The following PLEKHG3 variants were observed in gnomAD, a reference collection of about 807,000 sequenced individuals.
PLEKHG3 encodes pleckstrin homology domain-containing family G member 3.
Under a neutral mutation model 94.9 loss-of-function variants are expected in PLEKHG3, and 62 were observed. That is an observed-to-expected ratio of 0.65 (90% CI 0.53 to 0.81). PLEKHG3 has a LOEUF of 0.81. PLEKHG3 is among the 30% of genes least tolerant of loss of function. The pLI, the probability that PLEKHG3 is intolerant of heterozygous loss-of-function variation, is 0.00. For synonymous variants in PLEKHG3, 614 were observed against 654.0 expected, an observed-to-expected ratio of 0.94 and a Z score of 0.93; for missense variants, 1,461 against 1,619.3, an observed-to-expected ratio of 0.90 and a Z score of 1.68.
At position 64,725,147 on chromosome 14, in the gene PLEKHG3, C is replaced by A. The variant is rs543797684; in HGVS notation, c.-39-2446C>A. Among the ~76,000 whole-genome samples, 4 of 152,278 alleles carry A rather than the reference C, an allele frequency of 2.6e-5. No homozygotes were observed. The highest frequency in any genetic ancestry group is 2.0e-4 in the Admixed American group (3 of 15,302). On this transcript the variant is annotated intron_variant, in intron 1 of 16. Transcript: ENST00000247226. The surrounding 1 kb of genome is among the most constrained non-coding windows in gnomAD (Gnocchi z 5.0). ...TTACAGTGGGATCCCCAGAGAGGGA[C>A]CCTCAAAAGGTCCCTTTTAGAGACA...
chr14:64,708,827 C>G (rs751775403), intron 1 of PLEKHG3, among the ~76,000 whole-genome samples: 1 of 151,340 alleles, frequency 6.6e-6, no homozygotes, highest in East Asian at 1.9e-4. Flanking sequence ...GCCCCACCCC[C>G]CAAGTATGTC....
chr14:64,706,771 C>T (rs1050611267), intron 1 of PLEKHG3, among the ~76,000 whole-genome samples: 5 of 152,230 alleles, frequency 3.3e-5, no homozygotes, highest in Non-Finnish European at 4.4e-5. Flanking sequence ...CCACGGCCTG[C>T]GGGATGACCA....
Position 64,730,777 on chromosome 14 carries a change from C to T in PLEKHG3, c.567-22C>T. 1.2e-6 allele frequency: 2 copies of T among 1,612,284 alleles called. No homozygotes were observed. Among genetic ancestry groups the T allele is most frequent in the Non-Finnish European group, 1.7e-6 (2 of 1,178,648 alleles). The stretch of plus-strand genomic sequence containing the variant: ...CATCCAGGCCTTCCCCAGGTGGTGA[C>T]TGGCCCTTCTCCCACTCCCAGCTCC... On this transcript the variant is annotated intron_variant, in intron 5 of 16. Transcript: ENST00000247226. This position sits in a 1 kb window ranked among gnomAD's most constrained non-coding sequence, Gnocchi z 5.4.
At position 64,747,097 on chromosome 14, in the gene PLEKHG3, G is replaced by C. The variant is rs1185922195; in HGVS notation, c.*3394G>C. The stretch of plus-strand genomic sequence containing the variant: ...CCCTGGACCAGGCCAGGGGACCTGG[G>C]GTGGTGAGATGCTAGCTCTTCCACT... On this transcript the variant is annotated 3_prime_UTR_variant, in exon 17 of 17. Coordinates refer to ENST00000247226, the MANE Select transcript of PLEKHG3 (RefSeq NM_001308147.2). The C allele has an allele frequency of 1.3e-5, 2 of 152,586 alleles. No individual in the cohort carries two copies. The highest frequency in any genetic ancestry group is 4.8e-5 in the African/African-American group (2 of 41,444). 9.5% of individuals were successfully genotyped at this position (152,586 alleles called of 1,614,324 possible).
rs780809002 is a variant in PLEKHG3, at chr14:64,741,388, G to T, written c.1871G>T (p.Ser624Ile). 1.2e-6 allele frequency: 2 copies of T among 1,613,354 alleles called. No homozygotes were observed. The highest frequency in any genetic ancestry group is 3.3e-4 in the Middle Eastern group (2 of 6,062). ...SRRSSVAQED[S>I]KSSGFGSPRL... Reference sequence around the variant, plus strand: ...CGGAGCAGCGTGGCACAGGAGGACAGCAAGTCCAGTGGCTTTGGGAGCCCG... The same window carrying T: ...CGGAGCAGCGTGGCACAGGAGGACATCAAGTCCAGTGGCTTTGGGAGCCCG... The change falls in exon 16 of 17, where the codon AGC (serine) becomes ATC (isoleucine). Residue 624 changes from serine (S) to isoleucine (I), a missense_variant. Ser to Ile is a moderately radical substitution (Grantham distance 142, BLOSUM62 -2). Coordinates refer to ENST00000247226, the MANE Select transcript of PLEKHG3 (RefSeq NM_001308147.2).
At position 64,726,380 on chromosome 14, in the gene PLEKHG3, AG is replaced by A. The variant is rs1485110686; in HGVS notation, c.-39-1209del. On this transcript the variant is annotated intron_variant, in intron 1 of 16. Transcript: ENST00000247226. The surrounding 1 kb of genome is among the most constrained non-coding windows in gnomAD (Gnocchi z 5.1). ...CTAGGGGTAGAAGACTCGGGTCAGT[AG>A]GGGTGAGAGGGATGCCCAGGAACTT... Among the ~76,000 whole-genome samples, 1 of 152,118 alleles carries A rather than the reference AG, an allele frequency of 6.6e-6. No individual in the cohort carries two copies. The highest frequency in any genetic ancestry group is 1.5e-5 in the Non-Finnish European group (1 of 68,010).
Position 64,726,558 on chromosome 14 carries a change from C to T in PLEKHG3, c.-39-1035C>T, listed in dbSNP as rs577516822. On this transcript the variant is annotated intron_variant, in intron 1 of 16. Coordinates refer to ENST00000247226, the MANE Select transcript of PLEKHG3 (RefSeq NM_001308147.2). The surrounding 1 kb of genome is among the most constrained non-coding windows in gnomAD (Gnocchi z 5.1). Reference sequence around the variant, plus strand: ...CTGGCCACTCCACCCTTCCATCCCCCGGCTGCTCCAGGTGGGCCTGCCTGT... The same window carrying T: ...CTGGCCACTCCACCCTTCCATCCCCTGGCTGCTCCAGGTGGGCCTGCCTGT... Among the ~76,000 whole-genome samples, 13 of 152,288 alleles carry T rather than the reference C, an allele frequency of 8.5e-5. No homozygotes were observed. The South Asian group carries it at 2.1e-3, about 24-fold the overall frequency.
Position 64,738,390 on chromosome 14 carries a change from G to A in PLEKHG3, c.1405-352G>A, listed in dbSNP as rs1194671454. Among the ~76,000 whole-genome samples the A allele has an allele frequency of 1.3e-5, 2 of 152,148 alleles. No homozygotes were observed. The highest frequency in any genetic ancestry group is 2.9e-5 in the Non-Finnish European group (2 of 68,012). The stretch of plus-strand genomic sequence containing the variant: ...GCTGTCACACCCTGGTGAGCCCCTG[G>A]CATGCTCTGTTCCAGTACTGGGCAC... On this transcript the variant is annotated intron_variant, in intron 14 of 16. Coordinates refer to ENST00000247226, the MANE Select transcript of PLEKHG3 (RefSeq NM_001308147.2). This position sits in a 1 kb window ranked among gnomAD's most constrained non-coding sequence, Gnocchi z 4.8.
Position 64,749,843 on chromosome 14 carries a change from C to T in PLEKHG3, c.*6140C>T, listed in dbSNP as rs1168877325. The T allele has an allele frequency of 4.7e-6, 7 of 1,481,616 alleles. No individual in the cohort carries two copies. In the African/African-American group the frequency reaches 8.4e-5, roughly 18 times the overall value. The allele number at this position is 1,481,616 out of a possible 1,614,324, so 91.8% of individuals were successfully genotyped here. On this transcript the variant is annotated 3_prime_UTR_variant, in exon 17 of 17. Transcript: ENST00000247226. The surrounding 1 kb of genome is among the most constrained non-coding windows in gnomAD (Gnocchi z 4.7). The stretch of plus-strand genomic sequence containing the variant: ...ACTTTCTGAGAGGTCAAAGTCTGGA[C>T]CATCAGCCTCTTTGATTTGAAAAAC...
chr14:64,750,191 G>A lies in PLEKHG3; in HGVS notation c.*6488G>A. 6.2e-7 allele frequency: 1 copy of A among 1,602,556 alleles called. No homozygotes were observed. Among genetic ancestry groups the A allele is most frequent in the Non-Finnish European group, 8.5e-7 (1 of 1,171,540 alleles). ...CAGACAGGCAGGTCACCCACATCCT[G>A]ATATGGTATCTCTAGAGTCAATTCC... is the stretch of plus-strand genomic sequence containing the variant. On this transcript the variant is annotated 3_prime_UTR_variant, in exon 17 of 17. Coordinates refer to ENST00000247226, the MANE Select transcript of PLEKHG3 (RefSeq NM_001308147.2).
Position 64,718,183 on chromosome 14 carries a change from G to T in PLEKHG3, c.-39-9410G>T, listed in dbSNP as rs1044853024. Among the ~76,000 whole-genome samples, 1 of 152,190 alleles carries T rather than the reference G, an allele frequency of 6.6e-6. No homozygotes were observed. Among genetic ancestry groups the T allele is most frequent in the Non-Finnish European group, 1.5e-5 (1 of 68,040 alleles). On this transcript the variant is annotated intron_variant, in intron 1 of 16. Coordinates refer to ENST00000247226, the MANE Select transcript of PLEKHG3 (RefSeq NM_001308147.2). This position sits in a 1 kb window ranked among gnomAD's most constrained non-coding sequence, Gnocchi z 5.0. ...GTAGCACTAGCTACTCCTTCTGTTA[G>T]CACAGTTTATTTATTCATGCTTTTG...
At chr14:64,733,011 T>C in intron 12 of PLEKHG3, 110 bp downstream of exon 12, 1 of 692,326 alleles carries the variant, frequency 1.4e-6, no homozygotes, top group Non-Finnish European at 2.5e-6. Flanking sequence ...GCGGAAACCC[T>C]GGGAAAGGCT....
rs1594703993 is a variant in PLEKHG3 at position 64,736,989 on chromosome 14, G to A, written c.1384+98G>A. ...CCTGGGGTGTGACCTGAGGGTGGAG[G>A]ATTGTCAGAATAGTGTAGAGGGAAC... On this transcript the variant is annotated intron_variant, in intron 13 of 16. Coordinates refer to ENST00000247226, the MANE Select transcript of PLEKHG3 (RefSeq NM_001308147.2). 3.3e-6 allele frequency: 3 copies of A among 914,776 alleles called. No homozygotes were observed. The East Asian group carries it at 7.2e-5, about 22-fold the overall frequency. 56.7% of individuals were successfully genotyped at this position (914,776 alleles called of 1,614,324 possible).
chr14:64,737,791 C>CT, intron 14 of PLEKHG3: 1 of 811,730 alleles, frequency 1.2e-6, no homozygotes, highest in Non-Finnish European at 1.6e-6. Flanking sequence ...GCTCCCCCCC[C>CT]GCAGCTGCCT....
rs763515508 is a variant in PLEKHG3, at chr14:64,743,672, A to G, written c.3629A>G (p.Glu1210Gly). ...SQQGRVRNLREKFQALNSVG is the reference protein window; with the variant it reads ...SQQGRVRNLRGKFQALNSVG The stretch of plus-strand genomic sequence containing the variant: ...CAGGGCAGAGTGAGAAACCTTAGAG[A>G]GAAGTTCCAGGCCTTGAACTCTGTC... The change falls in exon 17 of 17, where the codon GAG becomes GGG. Residue 1210 changes from glutamate (E) to glycine (G), a missense_variant. Transcript: ENST00000247226. The surrounding 1 kb of genome is among the most constrained non-coding windows in gnomAD (Gnocchi z 7.2). 3.8e-6 allele frequency: 6 copies of G among 1,589,390 alleles called. No individual in the cohort carries two copies. The East Asian group carries it at 9.0e-5, about 24-fold the overall frequency.
chr14:64,732,157 C>A lies in PLEKHG3; in HGVS notation c.1188C>A (p.Asn396Lys). 1 of 1,613,702 alleles carries A rather than the reference C, an allele frequency of 6.2e-7. No individual in the cohort carries two copies. The highest frequency in any genetic ancestry group is 8.5e-7 in the Non-Finnish European group (1 of 1,179,676). The change falls in exon 10 of 17, where the codon AAC becomes AAA. Residue 396 changes from asparagine (N) to lysine (K), a missense_variant. Physicochemically the swap from Asn to Lys is moderately conservative, Grantham distance 94. Around this residue, in one of 3 missense-constraint regions of PLEKHG3, gnomAD observed 1,201 missense variants for 1,295.5 expected, o/e 0.93. Coordinates refer to ENST00000247226, the MANE Select transcript of PLEKHG3 (RefSeq NM_001308147.2). The surrounding 1 kb of genome is among the most constrained non-coding windows in gnomAD (Gnocchi z 4.9). ...THHIKRLILENHHATIPQKAK... is the reference protein window; with the variant it reads ...THHIKRLILEKHHATIPQKAK... The stretch of plus-strand genomic sequence containing the variant: ...ACATCAAGAGGCTCATCCTAGAGAA[C>A]CACCATGCCACCATTCCCCAGAAGG...
Position 64,744,097 on chromosome 14 carries a change from T to C in PLEKHG3, c.*394T>C, listed in dbSNP as rs2081778297. On this transcript the variant is annotated 3_prime_UTR_variant, in exon 17 of 17. Coordinates refer to ENST00000247226, the MANE Select transcript of PLEKHG3 (RefSeq NM_001308147.2). ...GACTCAGGCAGTGGCCTGGAGAGGC[T>C]TTGTTCTGTAACGGTGCCTTTTCTT... 1 of 172,212 alleles carries C rather than the reference T, an allele frequency of 5.8e-6. No individual in the cohort carries two copies. Among genetic ancestry groups the C allele is most frequent in the African/African-American group, 2.4e-5 (1 of 42,052 alleles). The allele number at this position is 172,212 out of a possible 1,614,324, so 10.7% of individuals were successfully genotyped here. A position where few individuals can be genotyped will look rare whatever the true frequency, so the allele number is the denominator to read the frequency against.
chr14:64,731,308 C>T lies in PLEKHG3; in HGVS notation c.850-53C>T. 1.3e-6 allele frequency: 2 copies of T among 1,513,658 alleles called. No homozygotes were observed. The highest frequency in any genetic ancestry group is 1.8e-6 in the Non-Finnish European group (2 of 1,094,234). The allele number at this position is 1,513,658 out of a possible 1,614,324, so 93.8% of individuals were successfully genotyped here. ...AGCCTTTGTGGCAGGGTTTGCAGAG[C>T]CTCCTAAGGCCCCAGTGGCCTGACT... On this transcript the variant is annotated intron_variant, in intron 7 of 16. Coordinates refer to ENST00000247226, the MANE Select transcript of PLEKHG3 (RefSeq NM_001308147.2). The surrounding 1 kb of genome is among the most constrained non-coding windows in gnomAD (Gnocchi z 6.1).
rs147265408 is a variant in PLEKHG3 at position 64,732,843 on chromosome 14, G to C, written c.1287G>C (p.Lys429Asn). 2.1e-5 allele frequency: 34 copies of C among 1,611,036 alleles called. No homozygotes were observed. The highest frequency in any genetic ancestry group is 2.5e-6 in the Non-Finnish European group (3 of 1,179,114). Residue 429 changes from lysine (K) to asparagine (N), a missense_variant, in exon 12 of 17, where the codon AAG (lysine) becomes AAC (asparagine). Physicochemically the swap from Lys to Asn is moderately conservative, Grantham distance 94 (BLOSUM62 0). Coordinates refer to ENST00000247226, the MANE Select transcript of PLEKHG3 (RefSeq NM_001308147.2). This position sits in a 1 kb window ranked among gnomAD's most constrained non-coding sequence, Gnocchi z 4.9. ...GCTGCAGCCCAGAGCGGCTGAAGAAGGCTTGGTCCTCCCAGGATGAGGTGT... is the reference window on the plus strand; with the variant it reads ...GCTGCAGCCCAGAGCGGCTGAAGAACGCTTGGTCCTCCCAGGATGAGGTGT... ...RYRCSPERLK[K>N]AWSSQDEVST...
Sources: allele counts gnomAD v4.1 joint callset (sites outside exome capture counted in the v4.1 genomes callset), GRCh38; gene constraint gnomAD v4.1.1; regional missense constraint gnomAD v4.1.1; non-coding constraint Gnocchi (gnomAD v3.1); transcripts MANE v1.5; gene names NCBI Gene and HGNC (gene_info 2026-07-23, HGNC 2026-07-21).